CDH18: variants seen among roughly 807,000 people sequenced by gnomAD.
CDH18 encodes the protein cadherin-18.
In CDH18, 31 loss-of-function variants were observed where a neutral mutation model predicts 67.9. The ratio of observed to expected loss-of-function variants is 0.46; its 90% CI spans 0.34 to 0.62. The LOEUF (loss-of-function observed/expected upper bound fraction) is 0.62, where lower values mean the gene tolerates loss of function less well. CDH18 is among the 20% of genes least tolerant of loss of function. The probability of loss-of-function intolerance (pLI) is 0.01; values close to 1 mark genes in which losing one functional copy is unlikely to be tolerated. For missense variants in CDH18, 890 were observed against 975.5 expected (o/e 0.91, Z 1.17); for synonymous variants, 362 against 347.2 (o/e 1.04, Z -0.48).
intron 8 of CDH18, among the ~76,000 whole-genome samples, 185 bp downstream of exon 8, chr5:19,571,394 T>C (rs2149935261): frequency 6.6e-6 from 1 of 152,318 alleles, no homozygotes; most frequent in Non-Finnish European, 1.5e-5. Context: ...GCAAAATATG[T>C]TCTTAATGTG....
At chr5:19,747,307 C>A in intron 3 of CDH18, 71 bp from the exon 4 acceptor site, 2 of 1,256,712 alleles carry the variant, frequency 1.6e-6, no homozygotes, top group South Asian at 2.8e-5. Context: ...TCTGAAAACT[C>A]CCTATCTATA....
At position 20,169,906 on chromosome 5, in the gene CDH18, A is replaced by G; in HGVS notation, c.-518+85538T>C. On this transcript the variant is annotated intron_variant, in intron 2 of 14. Transcript: ENST00000507958. ...TTGAGCTTTATAAGACTCAATTTAT[A>G]AGCAACAAAGATAGACATGTCTTTT... Among the ~76,000 whole-genome samples, 2 of 152,178 alleles carry G rather than the reference A, an allele frequency of 1.3e-5. 1 individual carries two copies. The highest frequency in any genetic ancestry group is 2.9e-5 in the Non-Finnish European group (2 of 68,034).
intron 2 of CDH18, among the ~76,000 whole-genome samples, chr5:20,133,788 T>C (rs1749469948): frequency 6.6e-6 from 1 of 152,144 alleles, no homozygotes; most frequent in Non-Finnish European, 1.5e-5. Flanking sequence ...GTGTTGTTTT[T>C]TGATATTCAG....
chr5:19,532,652 C>T (rs1355853199), intron 9 of CDH18, among the ~76,000 whole-genome samples: 2 of 151,962 alleles, frequency 1.3e-5, no homozygotes, highest in Non-Finnish European at 2.9e-5. Flanking sequence ...AGATTAAGAC[C>T]CAAAGCCCAA....
intron 5 of CDH18, among the ~76,000 whole-genome samples, chr5:19,677,405 G>C (rs900535122): frequency 6.6e-6 from 1 of 151,970 alleles, no homozygotes. Context: ...ATCCTTAAAG[G>C]AGTACTAAAT....
chr5:20,000,348 A>T (rs932129396), intron 2 of CDH18, among the ~76,000 whole-genome samples: 6 of 152,230 alleles, frequency 3.9e-5, no homozygotes, highest in African/African-American at 1.2e-4. Flanking sequence ...CCTTTAACTT[A>T]GTATAAGAAT....
intron 5 of CDH18, among the ~76,000 whole-genome samples, chr5:19,682,524 T>G (rs1760478146): frequency 6.6e-6 from 1 of 151,974 alleles, no homozygotes; most frequent in Non-Finnish European, 1.5e-5. Context: ...GTGGGCTGAG[T>G]CCTCTCTCTT....
chr5:20,002,362 A>G (rs1736518811), intron 2 of CDH18, among the ~76,000 whole-genome samples: 1 of 152,238 alleles, frequency 6.6e-6, no homozygotes, highest in South Asian at 2.1e-4. Context: ...GACTAACTTC[A>G]GTCAAATTTT....
chr5:20,262,627 T>C (rs1003097043), intron 1 of CDH18, among the ~76,000 whole-genome samples: 41 of 152,226 alleles, frequency 2.7e-4, no homozygotes, highest in African/African-American at 9.1e-4. Context: ...AATCAAATGA[T>C]GTATTTTCTG....
intron 1 of CDH18, among the ~76,000 whole-genome samples, chr5:20,441,017 T>C (rs1425185029): frequency 1.3e-5 from 2 of 151,890 alleles, no homozygotes; most frequent in African/African-American, 4.9e-5. Context: ...AGGTAACAGA[T>C]TGGAAAGTCA....
chr5:20,535,416 T>G, intron 1 of CDH18, among the ~76,000 whole-genome samples: 1 of 152,276 alleles, frequency 6.6e-6, no homozygotes, highest in Admixed American at 6.5e-5. Flanking sequence ...CCTCTTTCAC[T>G]TTTAAGGACC....
intron 8 of CDH18, among the ~76,000 whole-genome samples, chr5:19,562,955 G>A (rs534002785): frequency 5.9e-5 from 9 of 151,954 alleles, no homozygotes; most frequent in African/African-American, 1.2e-4. Context: ...ACTACAATAC[G>A]GAGAAACTAT....
chr5:19,590,969 C>G (rs1580372598), intron 7 of CDH18, 88 bp downstream of exon 7: 1 of 671,690 alleles, frequency 1.5e-6, no homozygotes, highest in Non-Finnish European at 2.5e-6. Context: ...AATGGCCTGA[C>G]AGCGTGGATT....
At chr5:20,344,492 C>T (rs573870339) in intron 1 of CDH18, among the ~76,000 whole-genome samples, 28 of 152,038 alleles carry the variant, frequency 1.8e-4, no homozygotes, top group South Asian at 8.3e-4. Context: ...CTAATTAATA[C>T]GATAATTACT....
chr5:19,482,145 T>C (rs1739538566), intron 12 of CDH18, among the ~76,000 whole-genome samples: 1 of 152,084 alleles, frequency 6.6e-6, no homozygotes, highest in Non-Finnish European at 1.5e-5. Context: ...AGACTGAGTC[T>C]CACTTTGTTG....
chr5:20,231,787 A>G (rs1448722230), intron 2 of CDH18, among the ~76,000 whole-genome samples: 2 of 152,160 alleles, frequency 1.3e-5, no homozygotes, highest in Non-Finnish European at 2.9e-5. Flanking sequence ...GTTTACTGAT[A>G]ATAAATAAAA....
intron 2 of CDH18, among the ~76,000 whole-genome samples, chr5:20,101,153 G>C (rs116673077): frequency 0.012 from 1,779 of 151,772 alleles, 17 homozygotes; most frequent in Non-Finnish European, 0.018. Flanking sequence ...GTAGAGGCAG[G>C]GTCTCACTAT....
At chr5:20,245,554 C>A in intron 2 of CDH18, among the ~76,000 whole-genome samples, 1 of 152,126 alleles carries the variant, frequency 6.6e-6, no homozygotes, top group African/African-American at 2.4e-5. Flanking sequence ...AAAGTAATAC[C>A]TTTCTTATCA....
At chr5:20,358,743 C>T (rs1741833024) in intron 1 of CDH18, among the ~76,000 whole-genome samples, 1 of 151,972 alleles carries the variant, frequency 6.6e-6, no homozygotes, top group Admixed American at 6.6e-5. Context: ...GCAGATGGCT[C>T]ATTCTTTGAA....
Sources: gnomAD v4.1 joint callset for allele counts (sites outside exome capture counted in the v4.1 genomes callset) on GRCh38, gnomAD v4.1.1 for gene constraint, MANE v1.5 for transcripts, NCBI Gene and HGNC (gene_info 2026-07-23, HGNC 2026-07-21) for gene names.